DPH5: variants seen among roughly 807,000 people sequenced by gnomAD.
The protein encoded by DPH5 is diphthamide biosynthesis 5.
A neutral mutation model predicts 31.6 loss-of-function variants in DPH5; 31 were observed. The observed-to-expected ratio is 0.98, with a 90% CI of 0.74 to 1.32. The LOEUF is 1.32. Among genes scored for constraint, DPH5 ranks in the 40% most tolerant of loss-of-function variants. The pLI is 0.00. For synonymous variants in DPH5, 120 were observed against 115.0 expected, an observed-to-expected ratio of 1.04 and a Z score of -0.28; for missense variants, 309 against 335.7, an observed-to-expected ratio of 0.92 and a Z score of 0.62.
intron 2 of DPH5, 122 bp from the exon 3 acceptor site, chr1:101,021,887 G>GA (rs1660487797): frequency 3.1e-6 from 3 of 968,230 alleles, no homozygotes; most frequent in Non-Finnish European, 4.4e-6. Flanking sequence ...TGCATATGTT[G>GA]GCAACCACCC....
chr1:101,008,532 C>T (rs1030481541), intron 4 of DPH5, among the ~76,000 whole-genome samples: 1 of 152,150 alleles, frequency 6.6e-6, no homozygotes, highest in Non-Finnish European at 1.5e-5. Context: ...TATATTTTTC[C>T]TCTACCAATT....
Position 101,025,171 on chromosome 1 carries a change from C to T in DPH5, c.135+138G>A, listed in dbSNP as rs565797917. 1.4e-5 allele frequency: 15 copies of T among 1,077,792 alleles called. No homozygotes were observed. In the South Asian group the frequency reaches 1.9e-4, roughly 14 times the overall value. The allele number at this position is 1,077,792 out of a possible 1,614,324, so 66.8% of individuals were successfully genotyped here. ...GTGTAAAATTTCCATTCTTCTGCTC[C>T]TCAGATCATTAATGAACAAGGGATG... On this transcript the variant is annotated intron_variant, in intron 2 of 7. Transcript: ENST00000370109.
intron 3 of DPH5, among the ~76,000 whole-genome samples, chr1:101,020,619 A>C (rs1660376538): frequency 6.6e-6 from 1 of 151,860 alleles, no homozygotes; most frequent in Non-Finnish European, 1.5e-5. Context: ...GCAGCAGCTA[A>C]CTGCCTACTT....
intron 3 of DPH5, among the ~76,000 whole-genome samples, chr1:101,016,040 G>A (rs1327807572): frequency 2.0e-5 from 3 of 152,150 alleles, no homozygotes; most frequent in African/African-American, 2.4e-5. Flanking sequence ...ATTCGTAAGA[G>A]TAGCACTTTT....
chr1:101,005,902 G>T (rs1558041034), intron 4 of DPH5, among the ~76,000 whole-genome samples: 1 of 152,092 alleles, frequency 6.6e-6, no homozygotes, highest in Admixed American at 6.5e-5. Context: ...GTTGTGGGAG[G>T]GACCCGGTAG....
chr1:101,019,671 A>G (rs1660317219), intron 3 of DPH5, among the ~76,000 whole-genome samples: 1 of 152,176 alleles, frequency 6.6e-6, no homozygotes, highest in African/African-American at 2.4e-5. Context: ...AAAATTACAC[A>G]TTCCCCATCA....
In DPH5 at chr1:100,994,876, C is replaced by T. The variant is rs1570649696; in HGVS notation, c.530+234G>A. ...AACGCATTAATTCATTCCACAAACA[C>T]TGAGTGTCTGTTAGATGCCAACCAC... On this transcript the variant is annotated intron_variant, in intron 6 of 7. Coordinates refer to ENST00000370109, the MANE Select transcript of DPH5 (RefSeq NM_015958.3). Among the ~76,000 whole-genome samples the T allele has an allele frequency of 6.6e-5, 10 of 152,276 alleles. No homozygotes were observed. The South Asian group carries it at 2.1e-3, about 32-fold the overall frequency.
intron 6 of DPH5, among the ~76,000 whole-genome samples, chr1:100,993,953 AG>A (rs1357394348): frequency 4.6e-5 from 7 of 152,048 alleles, no homozygotes; most frequent in African/African-American, 1.7e-4. Flanking sequence ...CATCTTGGCC[AG>A]GCTGGTCTCG....
intron 6 of DPH5, among the ~76,000 whole-genome samples, chr1:100,993,772 C>T (rs1344728558): frequency 6.6e-6 from 1 of 150,808 alleles, no homozygotes; most frequent in African/African-American, 2.4e-5. Context: ...AAGACAGTCT[C>T]ACTCTGTTGC....
intron 6 of DPH5, among the ~76,000 whole-genome samples, chr1:100,993,581 TATATATATATATATATAG>T (rs1318575541): frequency 1.0e-5 from 1 of 96,792 alleles, no homozygotes; most frequent in African/African-American, 3.3e-5. Flanking sequence ...TATATATATA[TATATATATATATATATAG>T]CTATTGTGGC....
At position 101,007,608 on chromosome 1, in the gene DPH5, G is replaced by A. The variant is rs566866557; in HGVS notation, c.370-6021C>T. Among the ~76,000 whole-genome samples, 14 of 151,984 alleles carry A rather than the reference G, an allele frequency of 9.2e-5. No individual in the cohort carries two copies. The East Asian group carries it at 2.5e-3, about 27-fold the overall frequency. On this transcript the variant is annotated intron_variant, in intron 4 of 7. Coordinates refer to ENST00000370109, the MANE Select transcript of DPH5 (RefSeq NM_015958.3). ...TGGGCGCCTGTAGTCCCAGCTACTCGGGAGGCTGAGGCAGGAGAATGGCAT... is the reference window on the plus strand; with the variant it reads ...TGGGCGCCTGTAGTCCCAGCTACTCAGGAGGCTGAGGCAGGAGAATGGCAT...
chr1:100,992,054 T>G (rs1016942478), intron 7 of DPH5, among the ~76,000 whole-genome samples: 3 of 151,062 alleles, frequency 2.0e-5, no homozygotes, highest in Admixed American at 6.6e-5. Context: ...GCTGAGATAG[T>G]GCCTCTGCAC....
At chr1:101,024,316 G>A (rs995021074) in intron 2 of DPH5, among the ~76,000 whole-genome samples, 2 of 152,042 alleles carry the variant, frequency 1.3e-5, no homozygotes, top group Admixed American at 6.5e-5. Flanking sequence ...AGGTTGAGGT[G>A]GGAGGATACT....
At chr1:101,015,510 A>G (rs1660013473) in intron 3 of DPH5, among the ~76,000 whole-genome samples, 1 of 152,190 alleles carries the variant, frequency 6.6e-6, no homozygotes, top group African/African-American at 2.4e-5. Context: ...GCACAGGGAG[A>G]ATAGATTTAG....
At position 101,025,728 on chromosome 1, in the gene DPH5, A is replaced by C; in HGVS notation, c.-69T>G. 2.8e-6 allele frequency: 1 copy of C among 363,470 alleles called. No homozygotes were observed. Among genetic ancestry groups the C allele is most frequent in the South Asian group, 3.8e-5 (1 of 26,632 alleles). The allele number at this position is 363,470 out of a possible 1,614,324, so 22.5% of individuals were successfully genotyped here. On this transcript the variant is annotated 5_prime_UTR_variant, in exon 1 of 8. Coordinates refer to ENST00000370109, the MANE Select transcript of DPH5 (RefSeq NM_015958.3). ...AGTTCTCTGGCCTTTACAAATTCTT[A>C]ACTACCACCTTTCCGCAGAAGCAAC...
intron 6 of DPH5, among the ~76,000 whole-genome samples, chr1:100,994,664 T>A (rs992814323): frequency 2.6e-5 from 4 of 151,932 alleles, no homozygotes; most frequent in African/African-American, 7.3e-5. Context: ...GTAGCTGAGA[T>A]TAAAGGCACG....
At chr1:101,000,036 AC>A (rs1658734075) in intron 5 of DPH5, among the ~76,000 whole-genome samples, 1 of 151,616 alleles carries the variant, frequency 6.6e-6, no homozygotes, top group Non-Finnish European at 1.5e-5. Flanking sequence ...AGTCCTAACT[AC>A]CCAGGGAGCC....
rs754147634 is a variant in DPH5 at position 100,990,637 on chromosome 1, A to G, written c.635-6T>C. The G allele has an allele frequency of 7.2e-7, 1 of 1,380,648 alleles. No homozygotes were observed. The highest frequency in any genetic ancestry group is 2.6e-5 in the East Asian group (1 of 38,954). The allele number at this position is 1,380,648 out of a possible 1,614,324, so 85.5% of individuals were successfully genotyped here. A position where few individuals can be genotyped will look rare whatever the true frequency, so the allele number is the denominator to read the frequency against. On this transcript the variant is annotated splice_region_variant and splice_polypyrimidine_tract_variant and intron_variant, in intron 7 of 7. Transcript: ENST00000370109. ...AAGTGTCTCCTCGGTAACTGCTATT[A>G]AAAAAAAAAGATACTGCTATTCAAT...
intron 2 of DPH5, among the ~76,000 whole-genome samples, chr1:101,024,141 T>C (rs1382877321): frequency 6.6e-6 from 1 of 152,172 alleles, no homozygotes; most frequent in Non-Finnish European, 1.5e-5. Flanking sequence ...GTGTGGTTGC[T>C]TGTGCCTATA....
Sources: gnomAD v4.1 joint callset for allele counts (sites outside exome capture counted in the v4.1 genomes callset) on GRCh38, gnomAD v4.1.1 for gene constraint, MANE v1.5 for transcripts, NCBI Gene and HGNC (gene_info 2026-07-23, HGNC 2026-07-21) for gene names.